Variants in CACNA2D3 observed in about 807,000 individuals in gnomAD.
The protein encoded by CACNA2D3 is voltage-dependent calcium channel subunit alpha-2/delta-3.
A neutral mutation model predicts 160.6 loss-of-function variants in CACNA2D3; 60 were observed. The ratio of observed to expected loss-of-function variants is 0.37; its 90% CI spans 0.30 to 0.46. CACNA2D3 has a LOEUF of 0.46. Ranked by LOEUF, CACNA2D3 falls within the 20% of genes least tolerant of loss-of-function variation. CACNA2D3 has a pLI of 1.00. For missense variants in CACNA2D3, 1,205 were observed against 1,365.0 expected, an observed-to-expected ratio of 0.88 and a Z score of 1.85; for synonymous variants, 558 against 492.9, an observed-to-expected ratio of 1.13 and a Z score of -1.75.
At chr3:54,329,711 T>A (rs755670876) in intron 3 of CACNA2D3, among the ~76,000 whole-genome samples, 21 of 152,156 alleles carry the variant, frequency 1.4e-4, no homozygotes, top group Non-Finnish European at 2.4e-4. Flanking sequence ...TACTGATGTG[T>A]TACCATCAAG....
chr3:54,739,454 C>CCACACACA (rs371963374), intron 11 of CACNA2D3, among the ~76,000 whole-genome samples: 3 of 137,486 alleles, frequency 2.2e-5, no homozygotes, highest in African/African-American at 8.1e-5. Context: ...AAAAAAAAAA[C>CCACACACA]CACACACACA....
intron 17 of CACNA2D3, among the ~76,000 whole-genome samples, chr3:54,854,942 A>G (rs1445705802): frequency 6.6e-6 from 1 of 152,204 alleles, no homozygotes; most frequent in African/African-American, 2.4e-5. Flanking sequence ...CTTGCCAGCA[A>G]GGAACCCCTG....
intron 13 of CACNA2D3, among the ~76,000 whole-genome samples, chr3:54,811,235 T>C (rs1053535709): frequency 1.3e-5 from 2 of 152,184 alleles, no homozygotes; most frequent in Non-Finnish European, 2.9e-5. Flanking sequence ...GTGTTTTTCC[T>C]CAACTGTGCT....
At chr3:54,264,964 T>A (rs1388769171) in intron 2 of CACNA2D3, among the ~76,000 whole-genome samples, 1 of 152,220 alleles carries the variant, frequency 6.6e-6, no homozygotes, top group Non-Finnish European at 1.5e-5. Flanking sequence ...TGTGCCACAT[T>A]TTCTTTATCC....
chr3:55,045,776 TTTCTC>T (rs1305093867), intron 35 of CACNA2D3, among the ~76,000 whole-genome samples: 3 of 150,576 alleles, frequency 2.0e-5, no homozygotes, highest in Non-Finnish European at 4.4e-5. Context: ...GTTTATGTCT[TTTCTC>T]TTTTTACTTT....
At chr3:54,197,150 T>C (rs1486049753) in intron 2 of CACNA2D3, among the ~76,000 whole-genome samples, 1 of 152,188 alleles carries the variant, frequency 6.6e-6, no homozygotes, top group African/African-American at 2.4e-5. Flanking sequence ...AATGCAATGC[T>C]CCTGCCTCAT....
intron 3 of CACNA2D3, among the ~76,000 whole-genome samples, chr3:54,348,499 A>G (rs1698496748): frequency 6.6e-6 from 1 of 152,244 alleles, no homozygotes. Flanking sequence ...AAAATGCATG[A>G]TACTATGAAC....
chr3:54,916,838 C>T (rs191435012), intron 27 of CACNA2D3, among the ~76,000 whole-genome samples: 1 of 152,314 alleles, frequency 6.6e-6, no homozygotes. Context: ...AATGTAGAGC[C>T]AGTACCCTGA....
intron 2 of CACNA2D3, among the ~76,000 whole-genome samples, chr3:54,149,372 G>C (rs1194764516): frequency 6.6e-6 from 1 of 152,064 alleles, no homozygotes; most frequent in South Asian, 2.1e-4. Context: ...CTTGGGCCTA[G>C]GGTTGCACAC....
At chr3:54,902,640 GTCAGGT>G (rs1700360953) in intron 27 of CACNA2D3, among the ~76,000 whole-genome samples, 1 of 152,226 alleles carries the variant, frequency 6.6e-6, no homozygotes, top group African/African-American at 2.4e-5. Flanking sequence ...CTTCTGTTGT[GTCAGGT>G]CCCTCATCCA....
At chr3:54,350,734 G>A (rs1213391456) in intron 3 of CACNA2D3, among the ~76,000 whole-genome samples, 1 of 152,230 alleles carries the variant, frequency 6.6e-6, no homozygotes. Context: ...CGAGATACTC[G>A]AAGCATCAAC....
At chr3:54,934,721 T>G (rs576174562) in intron 27 of CACNA2D3, among the ~76,000 whole-genome samples, 1 of 152,220 alleles carries the variant, frequency 6.6e-6, no homozygotes, top group South Asian at 2.1e-4. Flanking sequence ...CAGTCTGTTT[T>G]GTTTTGTTTT....
At position 55,000,124 on chromosome 3, in the gene CACNA2D3, A is replaced by C. The variant is rs115114690; in HGVS notation, c.2691-4639A>C. ...GCTGAGTGCAGCTGCACACAGCACC[A>C]GTCTTGGGCTGGGCATGATTCTCAG... On this transcript the variant is annotated intron_variant, in intron 31 of 37. Transcript: ENST00000474759. Among the ~76,000 whole-genome samples the C allele has an allele frequency of 8.3e-3, 1,263 of 152,278 alleles. 10 individuals carry two copies. The highest frequency in any genetic ancestry group is 0.014 in the Non-Finnish European group (953 of 68,014).
intron 33 of CACNA2D3, among the ~76,000 whole-genome samples, chr3:55,008,692 TTGATTGAGAGAGAGCTGC>T (rs1440949127): frequency 6.6e-6 from 1 of 152,188 alleles, no homozygotes; most frequent in African/African-American, 2.4e-5. Flanking sequence ...TAGTGGGATT[TTGATTGAGAGAGAGCTGC>T]TAGGAATAGT....
intron 2 of CACNA2D3, among the ~76,000 whole-genome samples, chr3:54,319,611 A>G (rs887560281): frequency 6.6e-6 from 1 of 152,178 alleles, no homozygotes; most frequent in Non-Finnish European, 1.5e-5. Flanking sequence ...ACAAAATTAA[A>G]TCTTTAGTTA....
At chr3:54,685,876 T>G (rs554638922) in intron 11 of CACNA2D3, among the ~76,000 whole-genome samples, 1 of 152,276 alleles carries the variant, frequency 6.6e-6, no homozygotes, top group South Asian at 2.1e-4. Flanking sequence ...ACTATAATCA[T>G]TAACTTATAT....
intron 31 of CACNA2D3, among the ~76,000 whole-genome samples, chr3:54,995,825 G>A (rs1702844350): frequency 6.6e-6 from 1 of 152,152 alleles, no homozygotes; most frequent in African/African-American, 2.4e-5. Flanking sequence ...GCCCCAGTTT[G>A]CTTCAAACTA....
chr3:54,247,557 T>C (rs1437938728), intron 2 of CACNA2D3, among the ~76,000 whole-genome samples: 1 of 151,860 alleles, frequency 6.6e-6, no homozygotes, highest in African/African-American at 2.4e-5. Context: ...AAGTAGAAGG[T>C]AAACATTAGG....
At chr3:54,231,189 A>G (rs1467248266) in intron 2 of CACNA2D3, among the ~76,000 whole-genome samples, 2 of 152,074 alleles carry the variant, frequency 1.3e-5, no homozygotes, top group African/African-American at 4.8e-5. Flanking sequence ...GGTCTCTAGG[A>G]AGTGGGTGGC....
Sources: gnomAD v4.1 joint callset for allele counts (sites outside exome capture counted in the v4.1 genomes callset) on GRCh38, gnomAD v4.1.1 for gene constraint, MANE v1.5 for transcripts, NCBI Gene and HGNC (gene_info 2026-07-23, HGNC 2026-07-21) for gene names.